Variants in SHANK2 observed in about 807,000 individuals in gnomAD.
SHANK2 encodes the protein SH3 and multiple ankyrin repeat domains 2, also known as SH3 and multiple ankyrin repeat domains protein 2.
In SHANK2, 43 loss-of-function variants were observed where a neutral mutation model predicts 133.7. The ratio of observed to expected loss-of-function variants is 0.32; its 90% confidence interval spans 0.25 to 0.41. The LOEUF (loss-of-function observed/expected upper bound fraction) is 0.41, where lower values mean the gene tolerates loss of function less well. Among genes scored for constraint, SHANK2 ranks in the 10% least tolerant of loss-of-function variants. The pLI, the probability that SHANK2 is intolerant of heterozygous loss-of-function variation, is 1.00. For synonymous variants in SHANK2, 1,017 were observed against 952.8 expected (o/e 1.07, Z -1.24); for missense variants, 1,994 against 2,235.8 (o/e 0.89, Z 2.18).
At chr11:70,539,473 G>A (rs2059586292) in intron 17 of SHANK2, among the ~76,000 whole-genome samples, 1 of 88,766 alleles carries the variant, frequency 1.1e-5, no homozygotes. Context: ...GGGGTTTAGG[G>A]CACACAGAAA....
At chr11:70,702,502 T>C (rs1591764719) in intron 14 of SHANK2, among the ~76,000 whole-genome samples, 1 of 151,920 alleles carries the variant, frequency 6.6e-6, no homozygotes, top group Non-Finnish European at 1.5e-5. Context: ...ATCACCATCA[T>C]CAGCACCACC....
intron 11 of SHANK2, among the ~76,000 whole-genome samples, chr11:70,850,942 C>T (rs539169128): frequency 5.1e-4 from 77 of 152,322 alleles, no homozygotes; most frequent in Non-Finnish European, 9.8e-4. Flanking sequence ...AATGGGCTCA[C>T]GGCCACTCTT....
At chr11:70,509,737 C>T (rs2059177678) in intron 17 of SHANK2, among the ~76,000 whole-genome samples, 1 of 152,170 alleles carries the variant, frequency 6.6e-6, no homozygotes, top group Non-Finnish European at 1.5e-5. Flanking sequence ...GTGATTACAT[C>T]ATGAGGCGGA....
intron 6 of SHANK2, among the ~76,000 whole-genome samples, chr11:71,096,146 T>C (rs1052502860): frequency 2.0e-5 from 3 of 152,270 alleles, no homozygotes; most frequent in Admixed American, 2.0e-4. Context: ...AGGCTTCCTG[T>C]CTTCCCCAAC....
chr11:71,183,575 A>G (rs1176252520), intron 2 of SHANK2, among the ~76,000 whole-genome samples: 1 of 152,216 alleles, frequency 6.6e-6, no homozygotes, highest in East Asian at 1.9e-4. Context: ...ACATCAATGC[A>G]TGCGGCTCAC....
rs78661743 is a variant in SHANK2, at chr11:71,223,351, C to G, written c.-13+1346G>C. 3.0e-4 allele frequency among the ~76,000 whole-genome samples: 46 copies of G among 152,348 alleles called. 1 individual carries two copies. The highest frequency in any genetic ancestry group is 1.1e-3 in the African/African-American group (45 of 41,580). ...AACGATCAGCACAGCAACAGCCTTCCATATGCGTGGCTTCAGTTACCCTGA... is the reference window on the plus strand; with the variant it reads ...AACGATCAGCACAGCAACAGCCTTCGATATGCGTGGCTTCAGTTACCCTGA... On this transcript the variant is annotated intron_variant, in intron 2 of 25. Coordinates refer to ENST00000601538, the MANE Select transcript of SHANK2 (RefSeq NM_012309.5).
intron 15 of SHANK2, chr11:70,662,242 G>A: frequency 5.0e-6 from 1 of 198,864 alleles, no homozygotes; most frequent in South Asian, 9.5e-5. Flanking sequence ...CCGGCAGCAG[G>A]CACCAGAGAC....
chr11:70,946,220 C>CT, intron 10 of SHANK2, among the ~76,000 whole-genome samples: 1 of 107,670 alleles, frequency 9.3e-6, no homozygotes, highest in Admixed American at 8.9e-5. Flanking sequence ...ACCAACTCTT[C>CT]CCCAAGCTCA....
intron 2 of SHANK2, among the ~76,000 whole-genome samples, chr11:71,191,337 C>G (rs1953788713): frequency 6.6e-6 from 1 of 152,100 alleles, no homozygotes; most frequent in South Asian, 2.1e-4. Context: ...CCGTACAAAG[C>G]CCGGCAGACA....
intron 17 of SHANK2, chr11:70,654,281 T>C (rs529940568): frequency 3.9e-5 from 6 of 152,344 alleles, no homozygotes; most frequent in Admixed American, 3.9e-4. Flanking sequence ...AGGAAGGCTT[T>C]TTCCTCTGAC....
chr11:70,601,933 C>A (rs145722630), intron 17 of SHANK2, among the ~76,000 whole-genome samples: 1 of 152,176 alleles, frequency 6.6e-6, no homozygotes, highest in South Asian at 2.1e-4. Flanking sequence ...GTGGCTGGAA[C>A]GCAGCTGATA....
chr11:70,849,935 T>C (rs980874300), intron 11 of SHANK2, among the ~76,000 whole-genome samples: 1 of 152,208 alleles, frequency 6.6e-6, no homozygotes, highest in Non-Finnish European at 1.5e-5. Context: ...CATTACACCA[T>C]CTGTCTCCAG....
At chr11:71,100,637 G>A (rs958008085) in intron 6 of SHANK2, among the ~76,000 whole-genome samples, 14 of 152,176 alleles carry the variant, frequency 9.2e-5, no homozygotes, top group African/African-American at 2.9e-4. Context: ...GGGACGCCAA[G>A]GCGGGCAGAT....
At chr11:70,788,011 G>A (rs1203862614) in intron 14 of SHANK2, among the ~76,000 whole-genome samples, 3 of 152,206 alleles carry the variant, frequency 2.0e-5, no homozygotes, top group Non-Finnish European at 2.9e-5. Flanking sequence ...ACAGGGACAA[G>A]GTTTGGAACT....
At chr11:71,082,608 G>A (rs36146633) in intron 8 of SHANK2, among the ~76,000 whole-genome samples, 108,381 of 151,996 alleles carry the variant, frequency 0.71, 39,723 homozygotes, top group Middle Eastern at 0.82. Flanking sequence ...ACGACATAAC[G>A]TGGGGCTCCA....
intron 9 of SHANK2, among the ~76,000 whole-genome samples, chr11:71,074,853 C>A (rs906663560): frequency 2.7e-5 from 4 of 147,710 alleles, no homozygotes; most frequent in African/African-American, 1.0e-4. Flanking sequence ...GGTCTCGGCT[C>A]ACTGCAAGCT....
chr11:70,797,015 G>C (rs1947928746), intron 14 of SHANK2, among the ~76,000 whole-genome samples: 1 of 152,200 alleles, frequency 6.6e-6, no homozygotes, highest in Non-Finnish European at 1.5e-5. Context: ...GAAAAGACAT[G>C]AATATTCCTC....
At chr11:70,634,259 A>T (rs548368504) in intron 17 of SHANK2, 1 of 152,198 alleles carries the variant, frequency 6.6e-6, no homozygotes, top group African/African-American at 2.4e-5. Flanking sequence ...GACAGACTGA[A>T]GGGGAAGAGG....
chr11:71,119,877 A>G (rs1333393766), intron 3 of SHANK2, among the ~76,000 whole-genome samples: 1 of 152,168 alleles, frequency 6.6e-6, no homozygotes, highest in Non-Finnish European at 1.5e-5. Context: ...TAATTTTGAC[A>G]TGGATCGTTC....
Sources: allele counts gnomAD v4.1 joint callset (sites outside exome capture counted in the v4.1 genomes callset), GRCh38; gene constraint gnomAD v4.1.1; transcripts MANE v1.5; gene names NCBI Gene and HGNC (gene_info 2026-07-23, HGNC 2026-07-21).